Variants in SLC66A2 observed in about 807,000 individuals in gnomAD.
SLC66A2 encodes PQ loop repeat containing 1.
A neutral mutation model predicts 25.5 loss-of-function variants in SLC66A2; 23 were observed. That is an observed-to-expected ratio of 0.90 (90% CI 0.65 to 1.28). The LOEUF (loss-of-function observed/expected upper bound fraction) is 1.28, where lower values mean the gene tolerates loss of function less well. Among genes scored for constraint, SLC66A2 ranks in the 50% most tolerant of loss-of-function variants. The pLI is 0.00. For missense variants in SLC66A2, 396 were observed against 373.1 expected, an observed-to-expected ratio of 1.06 and a Z score of -0.51; for synonymous variants, 193 against 166.5, an observed-to-expected ratio of 1.16 and a Z score of -1.23.
intron 4 of SLC66A2, 74 bp from the exon 5 acceptor site, chr18:79,919,474 C>CA (rs1294844363): frequency 6.5e-5 from 62 of 960,474 alleles, no homozygotes; most frequent in African/African-American, 4.7e-4. Context: ...TGGGGAGAGA[C>CA]GGAACCGAGT....
In SLC66A2 at chr18:79,941,223, C is replaced by T. The variant is rs1987637237; in HGVS notation, c.337+2106G>A. On this transcript the variant is annotated intron_variant, in intron 3 of 5. Transcript: ENST00000397778. This position sits in a 1 kb window ranked among gnomAD's most constrained non-coding sequence, Gnocchi z 4.1. Reference sequence around the variant, plus strand: ...CTCCCCGTGGTCGGGGGCTCTGCTGCCTGTAAAGCGACGGCCGACCCATGG... The same window carrying T: ...CTCCCCGTGGTCGGGGGCTCTGCTGTCTGTAAAGCGACGGCCGACCCATGG... Among the ~76,000 whole-genome samples, 1 of 152,224 alleles carries T rather than the reference C, an allele frequency of 6.6e-6. No homozygotes were observed. Among genetic ancestry groups the T allele is most frequent in the South Asian group, 2.1e-4 (1 of 4,834 alleles).
At chr18:79,932,377 T>C (rs1187592192) in intron 4 of SLC66A2, among the ~76,000 whole-genome samples, 2 of 151,716 alleles carry the variant, frequency 1.3e-5, no homozygotes, top group African/African-American at 4.8e-5. Flanking sequence ...TGAAAGAATA[T>C]TGGAGTGAAA....
chr18:79,914,802 ACT>A (rs1219306334), intron 5 of SLC66A2, among the ~76,000 whole-genome samples: 1 of 152,112 alleles, frequency 6.6e-6, no homozygotes, highest in Non-Finnish European at 1.5e-5. Context: ...CCGGCTCCAG[ACT>A]CAGCCCTGCC....
intron 2 of SLC66A2, chr18:79,944,437 C>A (rs929131570): frequency 1.3e-5 from 2 of 152,494 alleles, no homozygotes. Flanking sequence ...TTCTTGCTGA[C>A]TTTTGACCAG....
chr18:79,943,083 C>T (rs767228293), intron 3 of SLC66A2, among the ~76,000 whole-genome samples: 4 of 152,168 alleles, frequency 2.6e-5, no homozygotes, highest in African/African-American at 4.8e-5. Context: ...CAAGAGGAAC[C>T]GTGAAGATGT....
intron 5 of SLC66A2, among the ~76,000 whole-genome samples, chr18:79,911,950 G>T (rs1983229748): frequency 7.0e-6 from 1 of 142,800 alleles, no homozygotes; most frequent in African/African-American, 2.6e-5. Context: ...AGCAGAGAGG[G>T]GACGGGAGCA....
At position 79,912,305 on chromosome 18, in the gene SLC66A2, A is replaced by G. The variant is rs185703221; in HGVS notation, c.608+6879T>C. Reference sequence around the variant, plus strand: ...AAACTCGTTCATGAGTGTCCATCACATGTAACAGCATAAACGTTAAACAAC... The same window carrying G: ...AAACTCGTTCATGAGTGTCCATCACGTGTAACAGCATAAACGTTAAACAAC... On this transcript the variant is annotated intron_variant, in intron 5 of 5. Transcript: ENST00000397778. 1.1e-3 allele frequency among the ~76,000 whole-genome samples: 174 copies of G among 152,312 alleles called. 1 individual carries two copies. Among genetic ancestry groups the G allele is most frequent in the African/African-American group, 3.3e-3 (136 of 41,554 alleles).
rs936568403 is a variant in SLC66A2 at position 79,918,558 on chromosome 18, C to T, written c.608+626G>A. Among the ~76,000 whole-genome samples the T allele has an allele frequency of 2.0e-5, 3 of 152,220 alleles. No individual in the cohort carries two copies. Among genetic ancestry groups the T allele is most frequent in the Non-Finnish European group, 4.4e-5 (3 of 68,030 alleles). ...AGTTTTCTGCCCCCGCCACAGCGAG[C>T]AGATCTGTTTTTATTACAATGCAGT... On this transcript the variant is annotated intron_variant, in intron 5 of 5. Transcript: ENST00000397778. The surrounding 1 kb of genome is among the most constrained non-coding windows in gnomAD (Gnocchi z 4.0).
At chr18:79,946,088 G>T (rs1163731099) in intron 2 of SLC66A2, among the ~76,000 whole-genome samples, 1 of 152,222 alleles carries the variant, frequency 6.6e-6, no homozygotes, top group East Asian at 1.9e-4. Context: ...GACGGAGGAG[G>T]AGGCGGGTGA....
chr18:79,928,515 GT>G (rs776414390), intron 4 of SLC66A2, among the ~76,000 whole-genome samples: 1 of 152,182 alleles, frequency 6.6e-6, no homozygotes, highest in Non-Finnish European at 1.5e-5. Flanking sequence ...ACTGCCAGTG[GT>G]GAACATTACA....
At position 79,919,541 on chromosome 18, in the gene SLC66A2, G is replaced by GA. The variant is rs1253388054; in HGVS notation, c.392-142_392-141insT. ...ACCGAGGGAGAGGTCAAGGTCAGTG[G>GA]GGAGAGACAGGAACCGAGGGAGAGG... On this transcript the variant is annotated intron_variant, in intron 4 of 5. Transcript: ENST00000397778. 9.9e-5 allele frequency: 28 copies of GA among 283,800 alleles called. 1 individual carries two copies. The highest frequency in any genetic ancestry group is 9.1e-4 in the Middle Eastern group (1 of 1,098). The allele number at this position is 283,800 out of a possible 1,614,324, so 17.6% of individuals were successfully genotyped here. A position where few individuals can be genotyped will look rare whatever the true frequency, so the allele number is the denominator to read the frequency against.
chr18:79,938,626 G>C (rs1413829169), intron 3 of SLC66A2, among the ~76,000 whole-genome samples: 7 of 152,234 alleles, frequency 4.6e-5, no homozygotes, highest in Admixed American at 4.6e-4. Flanking sequence ...CATGCCACGA[G>C]GTTCAAAGTA....
In SLC66A2 at chr18:79,933,868, G is replaced by A. The variant is rs761843782; in HGVS notation, c.391+101C>T. On this transcript the variant is annotated intron_variant, in intron 4 of 5. Transcript: ENST00000397778. Reference sequence around the variant, plus strand: ...CTCGGCCACGCTTGGTAAAGATGACGCACGCACATGCACAGATGGAAGCAA... The same window carrying A: ...CTCGGCCACGCTTGGTAAAGATGACACACGCACATGCACAGATGGAAGCAA... 818 of 993,858 alleles carry A rather than the reference G, an allele frequency of 8.2e-4. 6 individuals are homozygous for A. Among genetic ancestry groups the A allele is most frequent in the Middle Eastern group, 4.3e-4 (2 of 4,634 alleles). 61.6% of individuals were successfully genotyped at this position (993,858 alleles called of 1,614,324 possible).
Position 79,902,498 on chromosome 18 carries a change from A to G in SLC66A2, c.*1478T>C, listed in dbSNP as rs1981345608. On this transcript the variant is annotated 3_prime_UTR_variant, in exon 6 of 6. Coordinates refer to ENST00000397778, the MANE Select transcript of SLC66A2 (RefSeq NM_025078.5). ...GCAGTCACTGCGCCTGCAGTCGGCG[A>G]CAGTTTAATGTGAGGCAATTACCGC... The G allele has an allele frequency of 6.6e-6, 1 of 152,294 alleles. No individual in the cohort carries two copies. The highest frequency in any genetic ancestry group is 6.5e-5 in the Admixed American group (1 of 15,294). 9.4% of individuals were successfully genotyped at this position (152,294 alleles called of 1,614,324 possible).
intron 4 of SLC66A2, 110 bp downstream of exon 4, chr18:79,933,859 A>G: frequency 1.1e-6 from 1 of 939,708 alleles, no homozygotes; most frequent in South Asian, 1.4e-5. Flanking sequence ...CACGCTTGGT[A>G]AAGATGACGC....
In SLC66A2 at chr18:79,904,226, G is replaced by T; in HGVS notation, c.609-43C>A. 6.4e-7 allele frequency: 1 copy of T among 1,570,922 alleles called. No homozygotes were observed. The highest frequency in any genetic ancestry group is 1.1e-5 in the South Asian group (1 of 89,880). ...GGCGGTCAGCGGTGGGGAGGGCGGC[G>T]ACCTGGGCTCAGTCAGTGGGGAGGC... On this transcript the variant is annotated intron_variant, in intron 5 of 5. Transcript: ENST00000397778. This position sits in a 1 kb window ranked among gnomAD's most constrained non-coding sequence, Gnocchi z 6.3.
intron 2 of SLC66A2, among the ~76,000 whole-genome samples, chr18:79,948,425 C>T (rs373388042): frequency 4.3e-4 from 66 of 152,338 alleles, no homozygotes; most frequent in African/African-American, 1.5e-3. Flanking sequence ...ACTGCAGCCT[C>T]GAATTCCTGG....
rs559233086 is a variant in SLC66A2, at chr18:79,911,673, C to A, written c.609-7490G>T. On this transcript the variant is annotated intron_variant, in intron 5 of 5. Coordinates refer to ENST00000397778, the MANE Select transcript of SLC66A2 (RefSeq NM_025078.5). ...AGAAGATGGCTCCACCACCATGGCACGGGGACTGGAATCCCAGCCATCCCC... is the reference window on the plus strand; with the variant it reads ...AGAAGATGGCTCCACCACCATGGCAAGGGGACTGGAATCCCAGCCATCCCC... Among the ~76,000 whole-genome samples the A allele has an allele frequency of 1.1e-4, 17 of 152,316 alleles. No individual in the cohort carries two copies. In the East Asian group the frequency reaches 3.3e-3, roughly 29 times the overall value.
At chr18:79,906,750 A>G (rs898672245) in intron 5 of SLC66A2, among the ~76,000 whole-genome samples, 10 of 152,164 alleles carry the variant, frequency 6.6e-5, no homozygotes, top group African/African-American at 2.2e-4. Flanking sequence ...TTTTTCTATC[A>G]GTTACTGAGG....
Sources: gnomAD v4.1 joint callset for allele counts (sites outside exome capture counted in the v4.1 genomes callset) on GRCh38, gnomAD v4.1.1 for gene constraint, Gnocchi (gnomAD v3.1) non-coding constraint, MANE v1.5 for transcripts, NCBI Gene and HGNC (gene_info 2026-07-23, HGNC 2026-07-21) for gene names.